Variants in MAD1L1 observed in about 807,000 individuals in gnomAD.
The protein encoded by MAD1L1 is mitotic spindle assembly checkpoint protein MAD1.
Under a neutral mutation model 96.9 loss-of-function variants are expected in MAD1L1, and 95 were observed. The observed-to-expected ratio is 0.98, with a 90% CI of 0.83 to 1.16. The LOEUF (loss-of-function observed/expected upper bound fraction) is 1.16. MAD1L1 is among the 50% of genes most tolerant of loss of function. The pLI, the probability that MAD1L1 is intolerant of heterozygous loss-of-function variation, is 0.00. For missense variants in MAD1L1, 1,007 were observed against 954.4 expected (o/e 1.06, Z -0.73); for synonymous variants, 473 against 396.6 (o/e 1.19, Z -2.29).
intron 18 of MAD1L1, among the ~76,000 whole-genome samples, chr7:1,835,293 A>T (rs980366564): frequency 3.3e-5 from 5 of 152,216 alleles, no homozygotes; most frequent in Non-Finnish European, 4.4e-5. Flanking sequence ...TGTATTCAGC[A>T]TCATCCTGAA....
At chr7:1,964,724 C>T (rs1391384108) in intron 15 of MAD1L1, among the ~76,000 whole-genome samples, 2 of 152,202 alleles carry the variant, frequency 1.3e-5, no homozygotes, top group Admixed American at 6.5e-5. Context: ...TGTCTCCGAG[C>T]GTGTGCGTGG....
chr7:1,891,395 G>A lies in MAD1L1; in HGVS notation c.1998+6805C>T, dbSNP rs568971960. ...AAAAAAATTAGCTGGGTGTGGTGGCGCACCCCTGTAATGCCAGGTACTCAG... is the reference window on the plus strand; with the variant it reads ...AAAAAAATTAGCTGGGTGTGGTGGCACACCCCTGTAATGCCAGGTACTCAG... On this transcript the variant is annotated intron_variant, in intron 18 of 18. Coordinates refer to ENST00000265854, the MANE Select transcript of MAD1L1 (RefSeq NM_001013836.2). Among the ~76,000 whole-genome samples the A allele has an allele frequency of 1.7e-3, 252 of 152,164 alleles. 1 individual carries two copies. The highest frequency in any genetic ancestry group is 3.4e-3 in the Middle Eastern group (1 of 294).
At chr7:1,870,882 GCCTGCCACGATGAACCTACCGTAACA>G (rs1785039572) in intron 18 of MAD1L1, among the ~76,000 whole-genome samples, 1 of 128,002 alleles carries the variant, frequency 7.8e-6, no homozygotes, top group Non-Finnish European at 1.6e-5. Flanking sequence ...CCTAACATAC[GCCTGCCACGATGAACCTACCGTAACA>G]CCTGCCACGC....
intron 3 of MAD1L1, among the ~76,000 whole-genome samples, chr7:2,228,185 C>T (rs979787926): frequency 6.6e-6 from 1 of 151,946 alleles, no homozygotes; most frequent in Non-Finnish European, 1.5e-5. Flanking sequence ...CACTGGGGGC[C>T]TCCGAGCCCC....
At position 2,226,554 on chromosome 7, in the gene MAD1L1, G is replaced by A. The variant is rs189221854; in HGVS notation, c.151-1004C>T. 7.2e-5 allele frequency among the ~76,000 whole-genome samples: 11 copies of A among 152,316 alleles called. No homozygotes were observed. The East Asian group carries it at 1.7e-3, about 24-fold the overall frequency. On this transcript the variant is annotated intron_variant, in intron 3 of 18. Transcript: ENST00000265854. ...AGACTTGCCAAATAGTTCCAGAGCC[G>A]GCCTTTGGGTACGACCTGCTCAGCT...
intron 10 of MAD1L1, among the ~76,000 whole-genome samples, chr7:2,189,069 G>C (rs4719456): frequency 0.29 from 44,737 of 152,060 alleles, 8,078 homozygotes; most frequent in East Asian, 0.6. Flanking sequence ...GGAGCACATG[G>C]AACGGTGCTC....
chr7:1,891,433 G>A (rs562078507), intron 18 of MAD1L1, among the ~76,000 whole-genome samples: 1 of 152,258 alleles, frequency 6.6e-6, no homozygotes, highest in African/African-American at 2.4e-5. Context: ...GGCTGAGGGA[G>A]GAGAATCGCT....
chr7:2,054,256 T>A (rs1332087128), intron 12 of MAD1L1, among the ~76,000 whole-genome samples: 1 of 152,198 alleles, frequency 6.6e-6, no homozygotes, highest in Admixed American at 6.5e-5. Flanking sequence ...GTGACCTGAA[T>A]CCAGTGTAAC....
chr7:1,920,889 A>G (rs1477312616), intron 17 of MAD1L1, among the ~76,000 whole-genome samples: 1 of 148,432 alleles, frequency 6.7e-6, no homozygotes, highest in Admixed American at 6.6e-5. Flanking sequence ...CATTGACTGA[A>G]TAAAAAAGAT....
Position 1,845,671 on chromosome 7 carries a change from G to A in MAD1L1, c.1999-29443C>T, listed in dbSNP as rs11974804. 6.2e-3 allele frequency: 943 copies of A among 151,278 alleles called. 15 individuals carry two copies. Among genetic ancestry groups the A allele is most frequent in the African/African-American group, 0.022 (896 of 41,398 alleles). 9.4% of individuals were successfully genotyped at this position (151,278 alleles called of 1,614,324 possible). ...AGACGGACGTGCTCCACGCAGACAC[G>A]CGTCCCGCTCTGGTTCACGGGGAAG... On this transcript the variant is annotated intron_variant, in intron 18 of 18. Transcript: ENST00000265854.
rs193015580 is a variant in MAD1L1, at chr7:1,824,685, G to T, written c.1999-8457C>A. 2.8e-3 allele frequency among the ~76,000 whole-genome samples: 431 copies of T among 152,324 alleles called. 1 individual carries two copies. Among genetic ancestry groups the T allele is most frequent in the African/African-American group, 9.7e-3 (404 of 41,584 alleles). On this transcript the variant is annotated intron_variant, in intron 18 of 18. Transcript: ENST00000265854. The stretch of plus-strand genomic sequence containing the variant: ...GCGTGCCTGGATGGCATCTGCCGGG[G>T]CAGCCATAGGTCCCTGTGAACCTCG...
intron 18 of MAD1L1, among the ~76,000 whole-genome samples, chr7:1,892,711 G>C (rs1157364200): frequency 6.6e-6 from 1 of 152,174 alleles, no homozygotes; most frequent in Non-Finnish European, 1.5e-5. Context: ...CCACATGTTT[G>C]TGCAGTTCCG....
At chr7:1,935,146 T>C (rs1778513757) in intron 17 of MAD1L1, among the ~76,000 whole-genome samples, 1 of 152,204 alleles carries the variant, frequency 6.6e-6, no homozygotes, top group African/African-American at 2.4e-5. Flanking sequence ...TCCCAAATCC[T>C]CTCCCAGGGT....
rs1456144270 is a variant in MAD1L1, at chr7:1,858,320, A to G, written c.1998+39880T>C. 2.0e-5 allele frequency among the ~76,000 whole-genome samples: 3 copies of G among 151,998 alleles called. No homozygotes were observed. The South Asian group carries it at 6.2e-4, about 32-fold the overall frequency. On this transcript the variant is annotated intron_variant, in intron 18 of 18. Transcript: ENST00000265854. ...AGTTGCACCCCAAGGCCGGACCCCA[A>G]CTCCGTTCCTGGCCCACTCTGGGCA...
Position 2,114,392 on chromosome 7 carries a change from G to A in MAD1L1, c.1073+34760C>T, listed in dbSNP as rs956742381. 3.9e-5 allele frequency among the ~76,000 whole-genome samples: 6 copies of A among 152,192 alleles called. No individual in the cohort carries two copies. The highest frequency in any genetic ancestry group is 2.1e-4 in the South Asian group (1 of 4,832). ...TCCCACCCTGCAGCACCGCCCAGCC[G>A]GGGCCAACACCAGAGGACGCCATCC... On this transcript the variant is annotated intron_variant, in intron 11 of 18. Coordinates refer to ENST00000265854, the MANE Select transcript of MAD1L1 (RefSeq NM_001013836.2). This position sits in a 1 kb window ranked among gnomAD's most constrained non-coding sequence, Gnocchi z 4.2.
chr7:1,982,353 T>C (rs1780943502), intron 14 of MAD1L1, among the ~76,000 whole-genome samples: 1 of 151,818 alleles, frequency 6.6e-6, no homozygotes, highest in South Asian at 2.1e-4. Context: ...GGATTACAGG[T>C]GCACGCCATC....
At chr7:2,030,012 C>A (rs1042679341) in intron 12 of MAD1L1, among the ~76,000 whole-genome samples, 2 of 152,190 alleles carry the variant, frequency 1.3e-5, no homozygotes, top group Non-Finnish European at 2.9e-5. Context: ...GCTGGCTGTC[C>A]CCTCCTACAC....
intron 16 of MAD1L1, among the ~76,000 whole-genome samples, chr7:1,939,305 GCACACACATACA>G (rs764296734): frequency 5.0e-4 from 72 of 145,346 alleles, no homozygotes; most frequent in South Asian, 1.1e-3. Context: ...AGCGGTGCAC[GCACACACATACA>G]CACACACATA....
At chr7:1,909,705 C>G (rs1222916965) in intron 17 of MAD1L1, among the ~76,000 whole-genome samples, 4 of 152,230 alleles carry the variant, frequency 2.6e-5, no homozygotes, top group Admixed American at 2.6e-4. Context: ...TCCCCAGGAA[C>G]TGGCTTTGGC....
Sources: gnomAD v4.1 joint callset for allele counts (sites outside exome capture counted in the v4.1 genomes callset) on GRCh38, gnomAD v4.1.1 for gene constraint, Gnocchi (gnomAD v3.1) non-coding constraint, MANE v1.5 for transcripts, NCBI Gene and HGNC (gene_info 2026-07-23, HGNC 2026-07-21) for gene names.